The following POLDIP2 variants were observed in gnomAD, a reference collection of about 807,000 sequenced individuals.
POLDIP2 encodes DNA polymerase delta interacting protein 2.
A neutral mutation model predicts 52.9 loss-of-function variants in POLDIP2; 32 were observed. The ratio of observed to expected loss-of-function variants is 0.61; its 90% CI spans 0.46 to 0.81. POLDIP2 has a LOEUF of 0.81. Among genes scored for constraint, POLDIP2 ranks in the 40% least tolerant of loss-of-function variants. POLDIP2 has a pLI of 0.00. For synonymous variants in POLDIP2, 183 were observed against 183.0 expected, an observed-to-expected ratio of 1.00 and a Z score of 0.00; for missense variants, 371 against 477.3, an observed-to-expected ratio of 0.78 and a Z score of 2.07.
intron 6 of POLDIP2, among the ~76,000 whole-genome samples, chr17:28,352,628 T>A (rs1907850648): frequency 7.0e-6 from 1 of 143,742 alleles, no homozygotes. Flanking sequence ...ACCTCCACCC[T>A]CCTGGGTTCA....
chr17:28,357,157 C>G, intron 1 of POLDIP2, 131 bp downstream of exon 1: 1 of 904,008 alleles, frequency 1.1e-6, no homozygotes, highest in Non-Finnish European at 1.6e-6. Context: ...CGGCTCCCTG[C>G]TCGGGACCCT....
At chr17:28,354,216 A>C (rs781853364) in intron 3 of POLDIP2, among the ~76,000 whole-genome samples, 4 of 152,154 alleles carry the variant, frequency 2.6e-5, no homozygotes, top group Non-Finnish European at 5.9e-5. Context: ...AGAAATCAAG[A>C]AGACTTGTCC....
At chr17:28,354,693 G>T in intron 2 of POLDIP2, 108 bp from the exon 3 acceptor site, 1 of 712,436 alleles carries the variant, frequency 1.4e-6, no homozygotes, top group South Asian at 1.5e-5. Flanking sequence ...ACAAGGTCTT[G>T]CTACCTCTTC....
rs1555580469 is a variant in POLDIP2, at chr17:28,353,703, G to C, written c.430C>G (p.Pro144Ala). ...YQVLIDARDCPHISQRSQTEA... is the reference protein window; with the variant it reads ...YQVLIDARDCAHISQRSQTEA... ...CCATCTTGCTTACTTACTATATGTG[G>C]GCAGTCACGAGCATCAATCAGCACC... Residue 144 changes from proline to alanine, a missense_variant, in exon 4 of 11, where the codon CCA becomes GCA. By Grantham distance (27) the Pro-to-Ala change is conservative (BLOSUM62 -1). Transcript: ENST00000540200. The C allele has an allele frequency of 6.2e-7, 1 of 1,609,436 alleles. No homozygotes were observed. Among genetic ancestry groups the C allele is most frequent in the Non-Finnish European group, 8.5e-7 (1 of 1,176,306 alleles).
chr17:28,356,067 T>A (rs572732327), intron 1 of POLDIP2, among the ~76,000 whole-genome samples, 191 bp from the exon 2 acceptor site: 1 of 151,420 alleles, frequency 6.6e-6, no homozygotes, highest in East Asian at 1.9e-4. Flanking sequence ...CTCCCAGTGT[T>A]AGATGTGACC....
chr17:28,357,090 G>A (rs1346939695), intron 1 of POLDIP2, among the ~76,000 whole-genome samples, 198 bp downstream of exon 1: 1 of 152,234 alleles, frequency 6.6e-6, no homozygotes, highest in African/African-American at 2.4e-5. Context: ...TGTACAACCA[G>A]GGCTCTGGGC....
At position 28,357,346 on chromosome 17, in the gene POLDIP2, C is replaced by G. The variant is rs1384352004; in HGVS notation, c.103G>C (p.Gly35Arg). 2 of 1,573,658 alleles carry G rather than the reference C, an allele frequency of 1.3e-6. No homozygotes were observed. Among genetic ancestry groups the G allele is most frequent in the East Asian group, 4.8e-5 (2 of 42,102 alleles). Residue 35 changes from glycine to arginine, a missense_variant, in exon 1 of 11, where the codon GGA (glycine) becomes CGA (arginine). By Grantham distance (125) the Gly-to-Arg change is moderately radical. Transcript: ENST00000540200. ...RWPRPLCAAAGAGAFSPASTT... is the reference protein window; with the variant it reads ...RWPRPLCAAARAGAFSPASTT... ...GACGCTGGCGAGAAGGCTCCAGCTC[C>G]GGCCGCCGCACAGAGCGGCCTTGGC...
At chr17:28,350,305 A>G in intron 9 of POLDIP2, 133 bp downstream of exon 9, 2 of 739,596 alleles carry the variant, frequency 2.7e-6, no homozygotes, top group Non-Finnish European at 4.1e-6. Context: ...TTGTTTTAAG[A>G]TTTCTAACCC....
At chr17:28,349,671 A>G (rs1555579603) in intron 9 of POLDIP2, among the ~76,000 whole-genome samples, 1 of 32,510 alleles carries the variant, frequency 3.1e-5, no homozygotes, top group East Asian at 8.2e-4. Context: ...TCCAGTGTCC[A>G]TTCACACATG....
intron 6 of POLDIP2, among the ~76,000 whole-genome samples, chr17:28,352,400 G>C (rs1907835676): frequency 6.6e-6 from 1 of 151,682 alleles, no homozygotes; most frequent in South Asian, 2.1e-4. Context: ...ACCACACCCA[G>C]CTAATTTTTA....
Position 28,355,537 on chromosome 17 carries a change from G to A in POLDIP2, c.243+258C>T, listed in dbSNP as rs1907984785. On this transcript the variant is annotated intron_variant, in intron 2 of 10. Transcript: ENST00000540200. ...TAGGAGAACTGCTTAAACCCAGGAG[G>A]TGGAGCTTGCAGTGAGCCGAGACCA... is the stretch of plus-strand genomic sequence containing the variant. Among the ~76,000 whole-genome samples the A allele has an allele frequency of 2.0e-5, 3 of 152,280 alleles. No individual in the cohort carries two copies. The South Asian group carries it at 6.2e-4, about 32-fold the overall frequency.
Position 28,347,934 on chromosome 17 carries a change from G to A in POLDIP2, c.*183C>T. ...AGGGCTTATGAGGAGGCCAGCCTTG[G>A]AGGTGTCCCACATGGGTCTTCTGAA... On this transcript the variant is annotated 3_prime_UTR_variant, in exon 11 of 11. Coordinates refer to ENST00000540200, the MANE Select transcript of POLDIP2 (RefSeq NM_015584.5). 1.7e-6 allele frequency: 1 copy of A among 592,790 alleles called. No individual in the cohort carries two copies. The highest frequency in any genetic ancestry group is 3.0e-6 in the Non-Finnish European group (1 of 332,868). 36.7% of individuals were successfully genotyped at this position (592,790 alleles called of 1,614,324 possible). A position where few individuals can be genotyped will look rare whatever the true frequency, so the allele number is the denominator to read the frequency against.
chr17:28,354,351 G>T, intron 3 of POLDIP2, 137 bp downstream of exon 3: 1 of 657,858 alleles, frequency 1.5e-6, no homozygotes, highest in Non-Finnish European at 2.7e-6. Context: ...GTCTCCATGG[G>T]TCTTAGTCCC....
At chr17:28,348,441 G>A (rs375818256) in intron 10 of POLDIP2, among the ~76,000 whole-genome samples, 3 of 152,216 alleles carry the variant, frequency 2.0e-5, no homozygotes, top group Non-Finnish European at 2.9e-5. Flanking sequence ...AGTGGCTCAC[G>A]CCTGAAATCC....
chr17:28,349,459 CAAAAAAA>C (rs11357551), intron 9 of POLDIP2, among the ~76,000 whole-genome samples: 10 of 73,374 alleles, frequency 1.4e-4, no homozygotes, highest in Admixed American at 3.2e-4. Flanking sequence ...CCCATCTCCA[CAAAAAAA>C]AAAAAAAAAA....
chr17:28,352,718 T>C (rs1266802215), intron 6 of POLDIP2, among the ~76,000 whole-genome samples, 194 bp downstream of exon 6: 1 of 152,012 alleles, frequency 6.6e-6, no homozygotes, highest in Non-Finnish European at 1.5e-5. Context: ...TTTGTATTTT[T>C]AGTAGAGACA....
chr17:28,349,232 T>C, intron 9 of POLDIP2, 70 bp from the exon 10 acceptor site: 1 of 1,100,454 alleles, frequency 9.1e-7, no homozygotes, highest in South Asian at 1.4e-5. Flanking sequence ...CAGGGTTACA[T>C]GCTGACTGCC....
Position 28,346,732 on chromosome 17 carries a change from A to G in POLDIP2, c.*1385T>C, listed in dbSNP as rs1241815794. 2 of 152,106 alleles carry G rather than the reference A, an allele frequency of 1.3e-5. No individual in the cohort carries two copies. Among genetic ancestry groups the G allele is most frequent in the Non-Finnish European group, 2.9e-5 (2 of 68,032 alleles). 9.4% of individuals were successfully genotyped at this position (152,106 alleles called of 1,614,324 possible). A position where few individuals can be genotyped will look rare whatever the true frequency, so the allele number is the denominator to read the frequency against. ...CAGAAAGCAACTCTTGGCTGTGTGC[A>G]TTTTTCAACTCCAAGCAGCCCAGGG... is the stretch of plus-strand genomic sequence containing the variant. On this transcript the variant is annotated 3_prime_UTR_variant, in exon 11 of 11. Coordinates refer to ENST00000540200, the MANE Select transcript of POLDIP2 (RefSeq NM_015584.5).
chr17:28,356,000 G>A (rs1199716457), intron 1 of POLDIP2, 124 bp from the exon 2 acceptor site: 7 of 698,278 alleles, frequency 1.0e-5, no homozygotes, highest in Non-Finnish European at 1.8e-5. Flanking sequence ...GTTTGGGGTA[G>A]TGGGACCAGC....
Sources: gnomAD v4.1 joint callset for allele counts (sites outside exome capture counted in the v4.1 genomes callset) on GRCh38, gnomAD v4.1.1 for gene constraint, MANE v1.5 for transcripts, NCBI Gene and HGNC (gene_info 2026-07-23, HGNC 2026-07-21) for gene names.